The following PDE7B variants were observed in gnomAD, a reference collection of about 807,000 sequenced individuals.
PDE7B encodes phosphodiesterase 7B.
PDE7B carries 29 observed loss-of-function variants against 56.2 expected under a neutral mutation model. The observed-to-expected ratio is 0.52, with a 90% CI of 0.38 to 0.70. The LOEUF is 0.70. PDE7B is among the 30% of genes least tolerant of loss of function. The pLI is 0.00. For synonymous variants in PDE7B, 197 were observed against 196.9 expected, an observed-to-expected ratio of 1.00 and a Z score of 0.00; for missense variants, 490 against 565.0, an observed-to-expected ratio of 0.87 and a Z score of 1.35.
At chr6:135,925,084 C>A (rs1248838119) in intron 1 of PDE7B, among the ~76,000 whole-genome samples, 1 of 148,788 alleles carries the variant, frequency 6.7e-6, no homozygotes, top group Non-Finnish European at 1.5e-5. Context: ...AGTTTATATG[C>A]CAACCTGTCT....
intron 2 of PDE7B, among the ~76,000 whole-genome samples, chr6:135,974,596 G>A (rs1483078046): frequency 6.6e-6 from 1 of 152,200 alleles, no homozygotes; most frequent in Non-Finnish European, 1.5e-5. Flanking sequence ...TGTTGCATGT[G>A]CAATTCTCTG....
At chr6:135,947,673 T>C (rs376148427) in intron 2 of PDE7B, 149 bp downstream of exon 2, 6 of 619,404 alleles carry the variant, frequency 9.7e-6, no homozygotes, top group African/African-American at 1.8e-5. Flanking sequence ...CACATTTATA[T>C]GTGTAACACT....
intron 2 of PDE7B, among the ~76,000 whole-genome samples, chr6:135,980,103 A>G (rs1775268619): frequency 6.6e-6 from 1 of 152,178 alleles, no homozygotes; most frequent in Non-Finnish European, 1.5e-5. Flanking sequence ...ATATAGATCA[A>G]TGGAACAGAA....
At chr6:136,078,824 T>A (rs1357699200) in intron 2 of PDE7B, among the ~76,000 whole-genome samples, 2 of 152,122 alleles carry the variant, frequency 1.3e-5, no homozygotes, top group East Asian at 3.9e-4. Context: ...CCTTATAATT[T>A]AAAAAAATCT....
intron 1 of PDE7B, among the ~76,000 whole-genome samples, chr6:135,937,982 T>C (rs1011125867): frequency 6.6e-6 from 1 of 152,238 alleles, no homozygotes; most frequent in African/African-American, 2.4e-5. Context: ...TTTTAGGGTA[T>C]ATAAGATGGT....
At chr6:135,937,517 C>G (rs982400418) in intron 1 of PDE7B, among the ~76,000 whole-genome samples, 1 of 152,296 alleles carries the variant, frequency 6.6e-6, no homozygotes, top group East Asian at 1.9e-4. Flanking sequence ...AAACACCCTC[C>G]CAGCTTATCT....
chr6:136,143,455 G>A (rs946774858), intron 3 of PDE7B, among the ~76,000 whole-genome samples: 2 of 151,826 alleles, frequency 1.3e-5, no homozygotes. Flanking sequence ...ATAACTTGGT[G>A]ATCACAGTGT....
At chr6:135,957,381 T>C (rs979293028) in intron 2 of PDE7B, among the ~76,000 whole-genome samples, 1 of 152,130 alleles carries the variant, frequency 6.6e-6, no homozygotes, top group Non-Finnish European at 1.5e-5. Context: ...ACTGTAAATA[T>C]CCAGGCCTAT....
chr6:136,149,555 A>G (rs1290689945), intron 5 of PDE7B, among the ~76,000 whole-genome samples: 1 of 152,224 alleles, frequency 6.6e-6, no homozygotes, highest in Admixed American at 6.5e-5. Context: ...AGTGAGCTAA[A>G]TCTGCCCTGT....
Position 135,861,759 on chromosome 6 carries a change from A to T in PDE7B, c.21+9740A>T, listed in dbSNP as rs572430150. On this transcript the variant is annotated intron_variant, in intron 1 of 12. Transcript: ENST00000308191. ...CTGAGTCTTCCAATTCATAAACATAATGTATCCTTCTATTTATTTAGGTGT... is the reference window on the plus strand; with the variant it reads ...CTGAGTCTTCCAATTCATAAACATATTGTATCCTTCTATTTATTTAGGTGT... 2.6e-3 allele frequency among the ~76,000 whole-genome samples: 392 copies of T among 151,824 alleles called. 1 individual carries two copies. Among genetic ancestry groups the T allele is most frequent in the African/African-American group, 8.8e-3 (367 of 41,512 alleles).
rs867800435 is a variant in PDE7B at position 136,118,305 on chromosome 6, T to C, written c.166+9491T>C. Among the ~76,000 whole-genome samples the C allele has an allele frequency of 7.9e-5, 12 of 152,276 alleles. 1 individual carries two copies. In the East Asian group the frequency reaches 1.7e-3, roughly 22 times the overall value. On this transcript the variant is annotated intron_variant, in intron 3 of 12. Coordinates refer to ENST00000308191, the MANE Select transcript of PDE7B (RefSeq NM_018945.4). ...TCCCACTACATCTCCCAGAAAGCATTATCACATTGTAACTGCGAAGTCATT... is the reference window on the plus strand; with the variant it reads ...TCCCACTACATCTCCCAGAAAGCATCATCACATTGTAACTGCGAAGTCATT...
intron 2 of PDE7B, among the ~76,000 whole-genome samples, chr6:136,013,836 C>A (rs912988248): frequency 6.6e-6 from 1 of 152,196 alleles, no homozygotes; most frequent in Admixed American, 6.5e-5. Context: ...CAGTAGTGTG[C>A]TACATTGAAG....
At chr6:135,880,276 G>A (rs1055635340) in intron 1 of PDE7B, among the ~76,000 whole-genome samples, 4 of 152,158 alleles carry the variant, frequency 2.6e-5, no homozygotes, top group Admixed American at 2.0e-4. Flanking sequence ...AATCAACTCA[G>A]GGAAGTCTCC....
At chr6:135,947,419 T>A (rs185988104) in intron 1 of PDE7B, 45 bp from the exon 2 acceptor site, 35 of 1,423,102 alleles carry the variant, frequency 2.5e-5, no homozygotes, top group Non-Finnish European at 2.1e-5. Flanking sequence ...CTTGGGAATC[T>A]TGATATGAAA....
chr6:136,032,241 A>T (rs1386382695), intron 2 of PDE7B, among the ~76,000 whole-genome samples: 2 of 152,218 alleles, frequency 1.3e-5, no homozygotes, highest in Non-Finnish European at 2.9e-5. Flanking sequence ...CTACCACAGC[A>T]TATGACACAA....
Position 136,151,224 on chromosome 6 carries a change from G to A in PDE7B, c.447G>A (p.Lys149=). 2 of 1,605,466 alleles carry A rather than the reference G, an allele frequency of 1.2e-6. No homozygotes were observed. The part of the protein sequence containing the change: ...FNTHGLIHHF[K]LDMVTLHRFL... ...CCCATGGACTCATTCACCATTTCAA[G>A]TTAGATATGGTGACCTTACACCGAT... Residue 149 remains lysine, a synonymous_variant, in exon 6 of 13, where the codon AAG becomes AAA. Coordinates refer to ENST00000308191, the MANE Select transcript of PDE7B (RefSeq NM_018945.4).
intron 2 of PDE7B, among the ~76,000 whole-genome samples, chr6:135,975,412 A>G (rs563051010): frequency 8.5e-5 from 13 of 152,144 alleles, no homozygotes; most frequent in Admixed American, 1.3e-4. Context: ...CTTCCCTTCC[A>G]CTAGGAAGGA....
intron 3 of PDE7B, among the ~76,000 whole-genome samples, chr6:136,111,422 G>GT (rs919204092): frequency 3.3e-5 from 5 of 152,156 alleles, no homozygotes; most frequent in Admixed American, 1.3e-4. Flanking sequence ...TTTCCTTTGT[G>GT]ATACGATTTA....
chr6:135,872,021 A>G (rs953182483), intron 1 of PDE7B, among the ~76,000 whole-genome samples: 9 of 152,198 alleles, frequency 5.9e-5, no homozygotes, highest in Admixed American at 5.9e-4. Flanking sequence ...AATGCGGGAG[A>G]AATTTTATTC....
Sources: allele counts gnomAD v4.1 joint callset (sites outside exome capture counted in the v4.1 genomes callset), GRCh38; gene constraint gnomAD v4.1.1; transcripts MANE v1.5; gene names NCBI Gene and HGNC (gene_info 2026-07-23, HGNC 2026-07-21).